Variants in SLC14A2 observed in about 807,000 individuals in gnomAD.
SLC14A2 encodes the protein solute carrier family 14 member 2.
A neutral mutation model predicts 104.6 loss-of-function variants in SLC14A2; 91 were observed. That is an observed-to-expected ratio of 0.87 (90% CI 0.73 to 1.04). The LOEUF (loss-of-function observed/expected upper bound fraction) is 1.04. SLC14A2 is among the 50% of genes least tolerant of loss of function. The pLI, the probability that SLC14A2 is intolerant of heterozygous loss-of-function variation, is 0.00. For missense variants in SLC14A2, 1,189 were observed against 1,156.0 expected (o/e 1.03, Z -0.41); for synonymous variants, 476 against 466.4 (o/e 1.02, Z -0.27).
chr18:45,175,632 G>GA, the SLC14A2 span, among the ~76,000 whole-genome samples: 70 of 150,846 alleles, frequency 4.6e-4, no homozygotes, highest in Admixed American at 1.5e-3. Context: ...GTGACAGGCA[G>GA]AAAAAAAAAT....
chr18:45,170,231 A>G, the SLC14A2 span, among the ~76,000 whole-genome samples: 11 of 152,104 alleles, frequency 7.2e-5, no homozygotes, highest in African/African-American at 2.7e-4. Flanking sequence ...CTTTTGCTCT[A>G]CAACTTCACA....
the SLC14A2 span, among the ~76,000 whole-genome samples, chr18:45,197,838 T>G: frequency 6.6e-6 from 1 of 152,150 alleles, no homozygotes; most frequent in Non-Finnish European, 1.5e-5. Flanking sequence ...CTTGCTATCT[T>G]TTGTGGTTCT....
intron 10 of SLC14A2, among the ~76,000 whole-genome samples, chr18:45,659,790 C>A (rs1047782845): frequency 2.0e-5 from 3 of 152,074 alleles, no homozygotes; most frequent in Non-Finnish European, 2.9e-5. Context: ...ACTGTTTGTA[C>A]CCTGAAATAT....
chr18:45,380,100 T>C (rs1253638752), intron 1 of SLC14A2, among the ~76,000 whole-genome samples: 2 of 152,214 alleles, frequency 1.3e-5, no homozygotes, highest in Admixed American at 1.3e-4. Context: ...TTAACTATCT[T>C]TTGATGGCAC....
the SLC14A2 span, among the ~76,000 whole-genome samples, chr18:45,189,619 A>T: frequency 3.0e-3 from 460 of 152,238 alleles, 2 homozygotes; most frequent in African/African-American, 0.011. Context: ...AAATTATTTA[A>T]CCTCTCAGAG....
intron 10 of SLC14A2, among the ~76,000 whole-genome samples, chr18:45,654,776 A>G (rs1166590117): frequency 6.6e-6 from 1 of 152,110 alleles, no homozygotes; most frequent in African/African-American, 2.4e-5. Context: ...TCACCTGCTG[A>G]TGAAACAGGC....
At chr18:45,241,529 G>T (rs2084315726) in intron 1 of SLC14A2, among the ~76,000 whole-genome samples, 2 of 152,140 alleles carry the variant, frequency 1.3e-5, no homozygotes, top group Non-Finnish European at 2.9e-5. Flanking sequence ...GAAGACAGAG[G>T]TGCAGCCTGA....
chr18:45,512,312 A>T (rs1239239165), intron 2 of SLC14A2, among the ~76,000 whole-genome samples: 1 of 152,156 alleles, frequency 6.6e-6, no homozygotes, highest in Non-Finnish European at 1.5e-5. Flanking sequence ...CCAGACTAGC[A>T]TGGAAGGAGT....
At chr18:45,216,063 T>G (rs534496903) in intron 1 of SLC14A2, among the ~76,000 whole-genome samples, 3 of 152,198 alleles carry the variant, frequency 2.0e-5, no homozygotes, top group Non-Finnish European at 4.4e-5. Flanking sequence ...TCACACACTC[T>G]TGAGTTAATG....
intron 1 of SLC14A2, among the ~76,000 whole-genome samples, chr18:45,260,962 AC>A (rs1363911061): frequency 6.6e-6 from 1 of 151,544 alleles, no homozygotes; most frequent in Non-Finnish European, 1.5e-5. Context: ...CATGTAACAA[AC>A]CTGCACGTGT....
chr18:45,494,395 C>G (rs2043054764), intron 2 of SLC14A2, among the ~76,000 whole-genome samples: 1 of 152,084 alleles, frequency 6.6e-6, no homozygotes, highest in Non-Finnish European at 1.5e-5. Flanking sequence ...TGTGATCAAG[C>G]CAAAACTTGG....
chr18:45,592,021 C>T (rs1457283212), intron 2 of SLC14A2, among the ~76,000 whole-genome samples: 1 of 152,130 alleles, frequency 6.6e-6, no homozygotes, highest in Non-Finnish European at 1.5e-5. Flanking sequence ...AACAGAGAGT[C>T]CAATACCTCT....
chr18:45,556,577 A>G (rs1327253261), intron 2 of SLC14A2, among the ~76,000 whole-genome samples: 1 of 152,172 alleles, frequency 6.6e-6, no homozygotes, highest in Non-Finnish European at 1.5e-5. Flanking sequence ...TAATCTCTCT[A>G]TGTCTTGACT....
At chr18:45,463,888 T>C (rs1180201560) in intron 1 of SLC14A2, among the ~76,000 whole-genome samples, 1 of 152,222 alleles carries the variant, frequency 6.6e-6, no homozygotes, top group Non-Finnish European at 1.5e-5. Context: ...ATGAAAGCAG[T>C]GTCCCTGCTC....
intron 1 of SLC14A2, among the ~76,000 whole-genome samples, chr18:45,373,487 CT>C (rs1031538767): frequency 6.6e-6 from 1 of 152,188 alleles, no homozygotes; most frequent in Admixed American, 6.5e-5. Flanking sequence ...CTCATTTCCT[CT>C]TTTAAAAACT....
chr18:45,337,030 A>AG (rs2085344473), intron 1 of SLC14A2, among the ~76,000 whole-genome samples: 1 of 150,288 alleles, frequency 6.7e-6, no homozygotes, highest in African/African-American at 2.5e-5. Flanking sequence ...AAAAATATTT[A>AG]GAAAAAAAAA....
At chr18:45,344,714 CA>C (rs367767587) in intron 1 of SLC14A2, among the ~76,000 whole-genome samples, 6 of 152,070 alleles carry the variant, frequency 3.9e-5, no homozygotes, top group African/African-American at 1.4e-4. Flanking sequence ...AGGCAGAAAT[CA>C]AAAGATGAAC....
chr18:45,612,529 T>C (rs1183951967), upstream of SLC14A2, among the ~76,000 whole-genome samples: 1 of 152,238 alleles, frequency 6.6e-6, no homozygotes, highest in Non-Finnish European at 1.5e-5. Context: ...ACTTAATATG[T>C]GCTAGGCACT....
chr18:45,620,613 C>T (rs551399874), intron 1 of SLC14A2, among the ~76,000 whole-genome samples: 17 of 151,924 alleles, frequency 1.1e-4, no homozygotes, highest in Non-Finnish European at 2.2e-4. Flanking sequence ...GGTAATGGCC[C>T]CTGTTCTTAC....
Sources: gnomAD v4.1 joint callset for allele counts (sites outside exome capture counted in the v4.1 genomes callset) on GRCh38, gnomAD v4.1.1 for gene constraint, MANE v1.5 for transcripts, NCBI Gene and HGNC (gene_info 2026-07-23, HGNC 2026-07-21) for gene names.